The following RAB3C variants were observed in gnomAD, a reference collection of about 807,000 sequenced individuals.
RAB3C encodes the protein RAB3C, member RAS oncogene family, also known as ras-related protein Rab-3C.
RAB3C carries 17 observed loss-of-function variants against 26.4 expected under a neutral mutation model. That is an observed-to-expected ratio of 0.64 (90% CI 0.44 to 0.97). The LOEUF (loss-of-function observed/expected upper bound fraction) is 0.97. RAB3C is among the 50% of genes least tolerant of loss of function. RAB3C has a pLI of 0.00. For missense variants in RAB3C, 242 were observed against 281.9 expected (o/e 0.86, Z 1.01); for synonymous variants, 91 against 95.9 (o/e 0.95, Z 0.30).
intron 2 of RAB3C, among the ~76,000 whole-genome samples, chr5:58,672,968 CT>C (rs952838189): frequency 2.7e-4 from 41 of 152,246 alleles, no homozygotes; most frequent in African/African-American, 9.4e-4. Flanking sequence ...CTTGTCTTTA[CT>C]TTTCTCTCTA....
chr5:58,657,508 G>A (rs1042147438), intron 2 of RAB3C, among the ~76,000 whole-genome samples: 1 of 152,180 alleles, frequency 6.6e-6, no homozygotes, highest in Non-Finnish European at 1.5e-5. Flanking sequence ...TGAACTTAGA[G>A]AGCAGCAGTA....
rs768548419 is a variant in RAB3C, at chr5:58,855,325, A to C, written c.*3974A>C. Reference sequence around the variant, plus strand: ...ACCAAAAAGTTACTGTGTGTTTGTTAATAATCTTCATAGTACTACTGGAAT... The same window carrying C: ...ACCAAAAAGTTACTGTGTGTTTGTTCATAATCTTCATAGTACTACTGGAAT... On this transcript the variant is annotated 3_prime_UTR_variant, in exon 5 of 5. Transcript: ENST00000282878. 1 of 152,222 alleles carries C rather than the reference A, an allele frequency of 6.6e-6. No individual in the cohort carries two copies. Among genetic ancestry groups the C allele is most frequent in the Non-Finnish European group, 1.5e-5 (1 of 68,036 alleles). The allele number at this position is 152,222 out of a possible 1,614,324, so 9.4% of individuals were successfully genotyped here.
At chr5:58,737,448 T>TATATAA (rs1554050298) in intron 3 of RAB3C, among the ~76,000 whole-genome samples, 20 of 31,308 alleles carry the variant, frequency 6.4e-4, no homozygotes, top group East Asian at 1.1e-3. Flanking sequence ...TATATATATA[T>TATATAA]AATTTACTTG....
chr5:58,630,467 TAAAG>T (rs1202330841), intron 2 of RAB3C, among the ~76,000 whole-genome samples: 1 of 152,234 alleles, frequency 6.6e-6, no homozygotes, highest in Non-Finnish European at 1.5e-5. Flanking sequence ...TATGTACACA[TAAAG>T]AACATATTTT....
At chr5:58,836,629 T>C (rs778386826) in intron 4 of RAB3C, among the ~76,000 whole-genome samples, 3 of 152,146 alleles carry the variant, frequency 2.0e-5, no homozygotes, top group Non-Finnish European at 4.4e-5. Flanking sequence ...ATTGAAAATA[T>C]GCACTGCTTA....
At chr5:58,642,172 T>A (rs1459918084) in intron 2 of RAB3C, among the ~76,000 whole-genome samples, 1 of 152,256 alleles carries the variant, frequency 6.6e-6, no homozygotes, top group African/African-American at 2.4e-5. Context: ...ATTCTAAACA[T>A]GGTGAACTGT....
intron 2 of RAB3C, among the ~76,000 whole-genome samples, chr5:58,656,611 T>C (rs1172348012): frequency 2.0e-4 from 30 of 152,188 alleles, no homozygotes; most frequent in Admixed American, 2.0e-3. Context: ...CATAAACATG[T>C]TTATAAAGTA....
At chr5:58,664,347 G>T (rs1038703722) in intron 2 of RAB3C, among the ~76,000 whole-genome samples, 5 of 152,128 alleles carry the variant, frequency 3.3e-5, no homozygotes, top group African/African-American at 1.2e-4. Flanking sequence ...AGGGAATTAT[G>T]CTGAGTGAAA....
chr5:58,737,590 A>C (rs995339995), intron 3 of RAB3C, among the ~76,000 whole-genome samples: 7 of 151,762 alleles, frequency 4.6e-5, no homozygotes, highest in Non-Finnish European at 8.8e-5. Flanking sequence ...TATTCCATAA[A>C]TATTTCTTGA....
At chr5:58,680,324 A>G (rs920625797) in intron 2 of RAB3C, among the ~76,000 whole-genome samples, 2 of 152,222 alleles carry the variant, frequency 1.3e-5, no homozygotes, top group Admixed American at 6.5e-5. Flanking sequence ...TATATTGCCT[A>G]GAAACCAGAT....
At chr5:58,758,304 T>C (rs1464236181) in intron 3 of RAB3C, among the ~76,000 whole-genome samples, 1 of 152,174 alleles carries the variant, frequency 6.6e-6, no homozygotes, top group Non-Finnish European at 1.5e-5. Context: ...TAATTGGAAA[T>C]AAAATTTTAA....
At chr5:58,719,770 T>C (rs1740702625) in intron 2 of RAB3C, among the ~76,000 whole-genome samples, 1 of 151,914 alleles carries the variant, frequency 6.6e-6, no homozygotes, top group African/African-American at 2.4e-5. Flanking sequence ...TAAAGTGTTA[T>C]GTATATAAAG....
chr5:58,599,883 A>G (rs1019873877), intron 1 of RAB3C, among the ~76,000 whole-genome samples: 2 of 151,882 alleles, frequency 1.3e-5, no homozygotes, highest in Non-Finnish European at 2.9e-5. Context: ...CTTTGTTTTT[A>G]CTGCATTTGC....
At chr5:58,761,504 A>C (rs1741796992) in intron 3 of RAB3C, among the ~76,000 whole-genome samples, 1 of 152,202 alleles carries the variant, frequency 6.6e-6, no homozygotes, top group Non-Finnish European at 1.5e-5. Context: ...GTTTGATGTA[A>C]GAATTTGAAC....
intron 3 of RAB3C, among the ~76,000 whole-genome samples, chr5:58,817,705 T>A (rs540985738): frequency 1.1e-3 from 161 of 152,310 alleles, no homozygotes; most frequent in African/African-American, 3.9e-3. Flanking sequence ...GATTTCTTTT[T>A]AATACCTCTG....
chr5:58,685,802 G>C (rs1748433255), intron 2 of RAB3C, among the ~76,000 whole-genome samples: 1 of 152,052 alleles, frequency 6.6e-6, no homozygotes. Context: ...TGTTCTCTAA[G>C]GGCTTAGATT....
intron 3 of RAB3C, among the ~76,000 whole-genome samples, chr5:58,782,239 G>A (rs139617467): frequency 5.9e-5 from 9 of 152,192 alleles, no homozygotes; most frequent in African/African-American, 1.2e-4. Flanking sequence ...TTAAGCAGGC[G>A]AGGCTTGGAA....
chr5:58,719,879 A>G (rs1740706341), intron 2 of RAB3C, among the ~76,000 whole-genome samples: 1 of 152,042 alleles, frequency 6.6e-6, no homozygotes, highest in Admixed American at 6.6e-5. Flanking sequence ...ACCACTAAAC[A>G]ACTTAATTCA....
At chr5:58,749,009 A>G (rs1741464207) in intron 3 of RAB3C, among the ~76,000 whole-genome samples, 2 of 152,164 alleles carry the variant, frequency 1.3e-5, no homozygotes, top group Non-Finnish European at 2.9e-5. Context: ...CAGAAAATTG[A>G]AAAAAACCTT....
Sources: allele counts gnomAD v4.1 joint callset (sites outside exome capture counted in the v4.1 genomes callset), GRCh38; gene constraint gnomAD v4.1.1; transcripts MANE v1.5; gene names NCBI Gene and HGNC (gene_info 2026-07-23, HGNC 2026-07-21).